The following NCAM2 variants were observed in gnomAD, a reference collection of about 807,000 sequenced individuals.
The protein encoded by NCAM2 is neural cell adhesion molecule 2.
Under a neutral mutation model 98.1 loss-of-function variants are expected in NCAM2, and 30 were observed. The ratio of observed to expected loss-of-function variants is 0.31; its 90% CI spans 0.23 to 0.41. The LOEUF (loss-of-function observed/expected upper bound fraction) is 0.41, where lower values mean the gene tolerates loss of function less well. Ranked by LOEUF, NCAM2 falls within the 10% of genes least tolerant of loss-of-function variation. The probability of loss-of-function intolerance (pLI) is 1.00; values close to 1 mark genes in which losing one functional copy is unlikely to be tolerated. For synonymous variants in NCAM2, 368 were observed against 342.4 expected (o/e 1.07, Z -0.83); for missense variants, 867 against 1,005.8 (o/e 0.86, Z 1.87).
intron 9 of NCAM2, among the ~76,000 whole-genome samples, chr21:21,396,092 G>T (rs1291942911): frequency 6.6e-6 from 1 of 151,102 alleles, no homozygotes; most frequent in African/African-American, 2.4e-5. Context: ...GAGAGGAAGA[G>T]AATCTTCACA....
In NCAM2 at chr21:21,379,453, G is replaced by A. The variant is rs933109633; in HGVS notation, c.1195+5440G>A. Among the ~76,000 whole-genome samples, 7 of 151,958 alleles carry A rather than the reference G, an allele frequency of 4.6e-5. No homozygotes were observed. In the South Asian group the frequency reaches 1.5e-3, roughly 31 times the overall value. ...ACGGAACCCCCCAATATTGTAGTAT[G>A]TTGCATTTTTGTTGTGATTCAGCTA... On this transcript the variant is annotated intron_variant, in intron 9 of 17. Coordinates refer to ENST00000400546, the MANE Select transcript of NCAM2 (RefSeq NM_004540.5).
intron 5 of NCAM2, among the ~76,000 whole-genome samples, chr21:21,322,647 A>AT (rs1419673671): frequency 2.0e-5 from 3 of 152,252 alleles, no homozygotes; most frequent in African/African-American, 7.2e-5. Flanking sequence ...GCTCAAATAA[A>AT]TTTGAAGGAA....
chr21:21,254,763 G>C (rs1278969472), intron 1 of NCAM2, among the ~76,000 whole-genome samples: 1 of 151,844 alleles, frequency 6.6e-6, no homozygotes, highest in East Asian at 1.9e-4. Context: ...AGGGGTGTTA[G>C]AATAAGAAGA....
chr21:21,535,154 G>C (rs1989915963), intron 17 of NCAM2, among the ~76,000 whole-genome samples: 1 of 151,958 alleles, frequency 6.6e-6, no homozygotes, highest in South Asian at 2.1e-4. Flanking sequence ...AATGATGCTT[G>C]GTTTCCATTC....
At chr21:21,288,182 T>G (rs2147544389) in intron 4 of NCAM2, among the ~76,000 whole-genome samples, 1 of 152,064 alleles carries the variant, frequency 6.6e-6, no homozygotes, top group East Asian at 1.9e-4. Flanking sequence ...AAATAAGGAA[T>G]AGCCTGTACA....
chr21:21,365,262 TGTGTG>T, intron 8 of NCAM2, among the ~76,000 whole-genome samples: 1 of 151,524 alleles, frequency 6.6e-6, no homozygotes, highest in Non-Finnish European at 1.5e-5. Context: ...TGTGTGTGTG[TGTGTG>T]TGTGTAAAAA....
At position 21,542,295 on chromosome 21, in the gene NCAM2, A is replaced by T. The variant is rs374402447; in HGVS notation, c.*4338A>T. The T allele has an allele frequency of 6.6e-6, 1 of 151,788 alleles. No individual in the cohort carries two copies. The highest frequency in any genetic ancestry group is 2.4e-5 in the African/African-American group (1 of 41,424). 9.4% of individuals were successfully genotyped at this position (151,788 alleles called of 1,614,324 possible). On this transcript the variant is annotated 3_prime_UTR_variant, in exon 18 of 18. Coordinates refer to ENST00000400546, the MANE Select transcript of NCAM2 (RefSeq NM_004540.5). ...ATACAAGAATGCGAATAGATTAATT[A>T]TATCTTCTCATATAAAGGCAAAGAA...
intron 1 of NCAM2, among the ~76,000 whole-genome samples, chr21:21,138,291 G>A (rs1219768352): frequency 6.6e-6 from 1 of 152,134 alleles, no homozygotes; most frequent in Non-Finnish European, 1.5e-5. Context: ...AGTTCATTCT[G>A]CAAACCAGCA....
At chr21:21,006,059 T>C (rs182987494) in intron 1 of NCAM2, among the ~76,000 whole-genome samples, 1 of 152,314 alleles carries the variant, frequency 6.6e-6, no homozygotes, top group Admixed American at 6.5e-5. Flanking sequence ...TTAAGTTCCT[T>C]CTTTAGGCTG....
intron 9 of NCAM2, among the ~76,000 whole-genome samples, chr21:21,377,388 G>GT (rs1015923695): frequency 5.9e-5 from 9 of 151,500 alleles, no homozygotes; most frequent in African/African-American, 2.2e-4. Flanking sequence ...CTACAATTTA[G>GT]TTTACATTTA....
chr21:21,188,652 A>T (rs943007501), intron 1 of NCAM2, among the ~76,000 whole-genome samples: 7 of 152,158 alleles, frequency 4.6e-5, no homozygotes, highest in African/African-American at 1.7e-4. Context: ...GGATTTTTAA[A>T]TCATGAAGCA....
At chr21:21,319,294 G>A (rs2074307494) in intron 5 of NCAM2, among the ~76,000 whole-genome samples, 1 of 152,110 alleles carries the variant, frequency 6.6e-6, no homozygotes, top group Non-Finnish European at 1.5e-5. Flanking sequence ...ACTATCTGAG[G>A]GAGTTCCTAG....
chr21:21,000,882 CG>C (rs2064008789), intron 1 of NCAM2, among the ~76,000 whole-genome samples: 1 of 152,066 alleles, frequency 6.6e-6, no homozygotes, highest in African/African-American at 2.4e-5. Flanking sequence ...GACACACCAC[CG>C]GGAGCTGTTT....
intron 12 of NCAM2, 139 bp downstream of exon 12, chr21:21,432,420 T>C (rs2077367746): frequency 1.4e-6 from 1 of 723,298 alleles, no homozygotes; most frequent in Non-Finnish European, 2.2e-6. Flanking sequence ...CTGTGCCCCA[T>C]TCTTCTTGAT....
intron 15 of NCAM2, among the ~76,000 whole-genome samples, chr21:21,503,532 A>C (rs1163078658): frequency 1.3e-5 from 2 of 151,950 alleles, no homozygotes; most frequent in African/African-American, 4.8e-5. Context: ...CAAATTCAAA[A>C]TTTATGAATT....
At chr21:21,346,676 T>C (rs1406465741) in intron 8 of NCAM2, among the ~76,000 whole-genome samples, 1 of 151,930 alleles carries the variant, frequency 6.6e-6, no homozygotes. Flanking sequence ...ATATCAAGCA[T>C]CCTCTCTGAC....
intron 8 of NCAM2, among the ~76,000 whole-genome samples, chr21:21,347,391 A>G (rs1472386931): frequency 6.6e-6 from 1 of 151,948 alleles, no homozygotes; most frequent in Non-Finnish European, 1.5e-5. Flanking sequence ...AAAACTGGAC[A>G]AATCACATTA....
intron 1 of NCAM2, among the ~76,000 whole-genome samples, chr21:21,069,851 A>G (rs2065522012): frequency 6.6e-6 from 1 of 152,172 alleles, no homozygotes; most frequent in South Asian, 2.1e-4. Flanking sequence ...GCAGTGAAAT[A>G]TCCTCTGGGG....
At chr21:21,101,220 A>G (rs1263835974) in intron 1 of NCAM2, among the ~76,000 whole-genome samples, 1 of 152,080 alleles carries the variant, frequency 6.6e-6, no homozygotes, top group East Asian at 1.9e-4. Flanking sequence ...TAAGATATTA[A>G]TATGCAGAAA....
Sources: allele counts gnomAD v4.1 joint callset (sites outside exome capture counted in the v4.1 genomes callset), GRCh38; gene constraint gnomAD v4.1.1; transcripts MANE v1.5; gene names NCBI Gene and HGNC (gene_info 2026-07-23, HGNC 2026-07-21).